AUTS2: variants seen among roughly 807,000 people sequenced by gnomAD.
AUTS2 encodes the protein autism susceptibility gene 2 protein.
In AUTS2, 17 loss-of-function variants were observed where a neutral mutation model predicts 112.4. That is an observed-to-expected ratio of 0.15 (90% CI 0.10 to 0.23). The LOEUF (loss-of-function observed/expected upper bound fraction) is 0.23. Ranked by LOEUF, AUTS2 falls within the 10% of genes least tolerant of loss-of-function variation. The pLI is 1.00. For missense variants in AUTS2, 1,510 were observed against 1,701.6 expected (o/e 0.89, Z 1.98); for synonymous variants, 751 against 702.7 (o/e 1.07, Z -1.09).
At chr7:70,408,219 A>C (rs1031450236) in intron 4 of AUTS2, among the ~76,000 whole-genome samples, 1 of 151,932 alleles carries the variant, frequency 6.6e-6, no homozygotes, top group African/African-American at 2.4e-5. Flanking sequence ...AAAACAAAAC[A>C]TCACTTGAAA....
At position 70,228,207 on chromosome 7, in the gene AUTS2, G is replaced by A. The variant is rs142227686; in HGVS notation, c.660+93636G>A. On this transcript the variant is annotated intron_variant, in intron 4 of 18. Transcript: ENST00000342771. ...GTTTTGCTTTAAAGTCTGTTTTGTC[G>A]GACAGTATTCTCTCTCCCCTTTATT... Among the ~76,000 whole-genome samples, 108 of 150,196 alleles carry A rather than the reference G, an allele frequency of 7.2e-4. 1 individual carries two copies. The highest frequency in any genetic ancestry group is 1.7e-3 in the Admixed American group (26 of 15,116).
At chr7:70,319,786 T>G (rs543925684) in intron 4 of AUTS2, among the ~76,000 whole-genome samples, 1 of 152,280 alleles carries the variant, frequency 6.6e-6, no homozygotes, top group South Asian at 2.1e-4. Flanking sequence ...CCTTGATAAA[T>G]TACATGGTAG....
chr7:69,940,583 G>A (rs1022376600), intron 2 of AUTS2, among the ~76,000 whole-genome samples: 2 of 152,198 alleles, frequency 1.3e-5, no homozygotes, highest in Admixed American at 1.3e-4. Context: ...CAGGATGTGG[G>A]TCATGGAAAT....
chr7:69,979,226 A>G (rs1798191847), intron 2 of AUTS2, among the ~76,000 whole-genome samples: 1 of 152,176 alleles, frequency 6.6e-6, no homozygotes, highest in Non-Finnish European at 1.5e-5. Context: ...GAATCCTTTT[A>G]TTCTCATTTG....
intron 1 of AUTS2, among the ~76,000 whole-genome samples, chr7:69,659,630 G>A (rs961471943): frequency 7.2e-6 from 1 of 138,738 alleles, no homozygotes; most frequent in African/African-American, 2.7e-5. Flanking sequence ...TGTGGCTGAG[G>A]CTTAGTTTAA....
At chr7:70,305,679 C>T (rs893180461) in intron 4 of AUTS2, among the ~76,000 whole-genome samples, 3 of 152,120 alleles carry the variant, frequency 2.0e-5, no homozygotes, top group Non-Finnish European at 2.9e-5. Flanking sequence ...AAAAATCAAA[C>T]AAACCAGACC....
At chr7:70,224,842 G>A (rs1193523843) in intron 4 of AUTS2, among the ~76,000 whole-genome samples, 2 of 152,134 alleles carry the variant, frequency 1.3e-5, no homozygotes, top group Admixed American at 6.5e-5. Flanking sequence ...TTGCCATCAG[G>A]TTACAGTTGC....
At chr7:69,847,066 G>A (rs896519474) in intron 1 of AUTS2, among the ~76,000 whole-genome samples, 1 of 152,050 alleles carries the variant, frequency 6.6e-6, no homozygotes, top group African/African-American at 2.4e-5. Flanking sequence ...TTATAAATTT[G>A]TCTTACTTTC....
At chr7:70,150,023 G>T (rs1202533953) in intron 4 of AUTS2, among the ~76,000 whole-genome samples, 2 of 152,014 alleles carry the variant, frequency 1.3e-5, no homozygotes, top group Non-Finnish European at 2.9e-5. Flanking sequence ...AACTGATAAA[G>T]AAGACTTACT....
At chr7:70,449,788 A>G (rs749885329) in intron 5 of AUTS2, among the ~76,000 whole-genome samples, 13 of 152,228 alleles carry the variant, frequency 8.5e-5, no homozygotes, top group African/African-American at 1.9e-4. Flanking sequence ...TAAAAGCCAT[A>G]GAAATACACA....
chr7:69,802,182 C>A (rs773182599), intron 1 of AUTS2, among the ~76,000 whole-genome samples: 2 of 152,154 alleles, frequency 1.3e-5, no homozygotes, highest in African/African-American at 2.4e-5. Context: ...TAAATCTTAG[C>A]CTGAAGACGT....
chr7:69,960,837 A>G (rs1797400280), intron 2 of AUTS2, among the ~76,000 whole-genome samples: 1 of 152,042 alleles, frequency 6.6e-6, no homozygotes, highest in Admixed American at 6.6e-5. Flanking sequence ...GTTCTTGTCC[A>G]CTTTTAATCC....
intron 5 of AUTS2, among the ~76,000 whole-genome samples, chr7:70,650,268 A>G (rs1416553314): frequency 6.6e-6 from 1 of 152,174 alleles, no homozygotes; most frequent in Non-Finnish European, 1.5e-5. Flanking sequence ...CGTCTCCTAA[A>G]ACAGTCACCG....
intron 5 of AUTS2, among the ~76,000 whole-genome samples, chr7:70,582,748 A>G (rs559603135): frequency 2.1e-4 from 32 of 152,332 alleles, no homozygotes; most frequent in South Asian, 1.7e-3. Flanking sequence ...CTACAAGGCC[A>G]GAGATGTTTC....
intron 6 of AUTS2, among the ~76,000 whole-genome samples, chr7:70,732,689 A>G (rs753778930): frequency 6.6e-6 from 1 of 152,156 alleles, no homozygotes; most frequent in Non-Finnish European, 1.5e-5. Context: ...TTTCCCTTTA[A>G]CAATTTGTCA....
At chr7:70,197,204 A>G (rs534429373) in intron 4 of AUTS2, among the ~76,000 whole-genome samples, 2 of 152,140 alleles carry the variant, frequency 1.3e-5, no homozygotes, top group Non-Finnish European at 2.9e-5. Context: ...TACTTTGAAC[A>G]TCAATTTTCT....
At chr7:69,694,564 G>C (rs980471941) in intron 1 of AUTS2, among the ~76,000 whole-genome samples, 6 of 152,008 alleles carry the variant, frequency 3.9e-5, no homozygotes, top group Admixed American at 3.9e-4. Context: ...AGATGGCTTG[G>C]GCTCACGAGT....
At chr7:70,023,048 T>C (rs1278279578) in intron 2 of AUTS2, among the ~76,000 whole-genome samples, 2 of 152,102 alleles carry the variant, frequency 1.3e-5, no homozygotes, top group Non-Finnish European at 2.9e-5. Context: ...TCTTGCTGTG[T>C]TGCCTAGGCT....
intron 2 of AUTS2, among the ~76,000 whole-genome samples, chr7:70,054,926 A>C (rs1306544979): frequency 1.3e-5 from 2 of 151,594 alleles, no homozygotes; most frequent in South Asian, 4.2e-4. Context: ...CCTCCTCCTT[A>C]TCTCTTCCCC....
Sources: allele counts gnomAD v4.1 joint callset (sites outside exome capture counted in the v4.1 genomes callset), GRCh38; gene constraint gnomAD v4.1.1; transcripts MANE v1.5; gene names NCBI Gene and HGNC (gene_info 2026-07-23, HGNC 2026-07-21).